ACTR3C: variants seen among roughly 807,000 people sequenced by gnomAD.
The protein encoded by ACTR3C is actin related protein 3C.
ACTR3C carries 18 observed loss-of-function variants against 26.3 expected under a neutral mutation model. The observed-to-expected ratio is 0.68, with a 90% CI of 0.47 to 1.01. ACTR3C has a LOEUF of 1.01. Ranked by LOEUF, ACTR3C falls within the 50% of genes least tolerant of loss-of-function variation. The probability of loss-of-function intolerance (pLI) is 0.00; values close to 1 mark genes in which losing one functional copy is unlikely to be tolerated. For synonymous variants in ACTR3C, 55 were observed against 94.5 expected (o/e 0.58, Z 2.42); for missense variants, 184 against 250.7 (o/e 0.73, Z 1.80).
chr7:150,254,166 T>C lies in ACTR3C; in HGVS notation c.565-5112A>G, dbSNP rs141920854. On this transcript the variant is annotated intron_variant, in intron 6 of 7. Coordinates refer to ENST00000683684, the MANE Select transcript of ACTR3C (RefSeq NM_001164458.2). Reference sequence around the variant, plus strand: ...GTGCTGAGTGCTAGAGAGAGAGAAATGATTTACCCCTCTTTAGAGATACCC... The same window carrying C: ...GTGCTGAGTGCTAGAGAGAGAGAAACGATTTACCCCTCTTTAGAGATACCC... Among the ~76,000 whole-genome samples the C allele has an allele frequency of 5.2e-3, 789 of 152,174 alleles. 5 individuals are homozygous for C. The highest frequency in any genetic ancestry group is 0.018 in the African/African-American group (741 of 41,482).
chr7:150,023,034 T>C, the ACTR3C span, among the ~76,000 whole-genome samples: 1 of 151,276 alleles, frequency 6.6e-6, no homozygotes, highest in Admixed American at 6.6e-5. Flanking sequence ...ATCATCTTCA[T>C]CCTTCCCACC....
chr7:150,309,354 T>G (rs1216548717), intron 1 of ACTR3C, among the ~76,000 whole-genome samples: 1 of 152,222 alleles, frequency 6.6e-6, no homozygotes, highest in Admixed American at 6.5e-5. Context: ...ATTCTCAATA[T>G]GTGTTTTATC....
At chr7:150,195,598 G>A in the ACTR3C span, among the ~76,000 whole-genome samples, 45 of 152,304 alleles carry the variant, frequency 3.0e-4, no homozygotes, top group South Asian at 4.1e-4. Context: ...TTCAGGGGGG[G>A]CCAGGCGTGA....
the ACTR3C span, among the ~76,000 whole-genome samples, chr7:150,151,818 A>G: frequency 1.5e-5 from 2 of 137,384 alleles, no homozygotes; most frequent in Admixed American, 7.4e-5. Context: ...AACATGGCAC[A>G]TGTATACATA....
At chr7:149,980,378 T>C in the ACTR3C span, among the ~76,000 whole-genome samples, 1 of 152,200 alleles carries the variant, frequency 6.6e-6, no homozygotes, top group East Asian at 1.9e-4. Flanking sequence ...TAATCACAAA[T>C]GAACTGCTGC....
At chr7:150,268,141 T>C (rs1034537653) in intron 6 of ACTR3C, among the ~76,000 whole-genome samples, 1 of 151,110 alleles carries the variant, frequency 6.6e-6, no homozygotes, top group African/African-American at 2.5e-5. Context: ...ATTTGGCCAA[T>C]GTGTACAGTC....
chr7:150,280,352 G>A (rs561593021), intron 6 of ACTR3C, among the ~76,000 whole-genome samples: 157 of 152,024 alleles, frequency 1.0e-3, no homozygotes, highest in African/African-American at 3.7e-3. Context: ...TAAAGCAGAT[G>A]TGTAAATACC....
In ACTR3C at chr7:150,294,292, C is replaced by T. The variant is rs554358394; in HGVS notation, c.46-873G>A. 2.4e-4 allele frequency among the ~76,000 whole-genome samples: 37 copies of T among 152,348 alleles called. No homozygotes were observed. In the South Asian group the frequency reaches 2.5e-3, roughly 10 times the overall value. Reference sequence around the variant, plus strand: ...AGGCCAGGGATGCCGCTACGCTCCCCGCAATGCACACGGCGGCGCCCACAA... The same window carrying T: ...AGGCCAGGGATGCCGCTACGCTCCCTGCAATGCACACGGCGGCGCCCACAA... On this transcript the variant is annotated intron_variant, in intron 2 of 7. Transcript: ENST00000683684.
chr7:150,178,706 C>A, the ACTR3C span, among the ~76,000 whole-genome samples: 57 of 150,834 alleles, frequency 3.8e-4, 7 homozygotes, highest in African/African-American at 1.3e-3. Context: ...TCAATGACAA[C>A]TGTGTCACAC....
the ACTR3C span, among the ~76,000 whole-genome samples, chr7:150,214,827 T>C: frequency 5.3e-5 from 8 of 151,688 alleles, no homozygotes; most frequent in Admixed American, 2.6e-4. Flanking sequence ...CAGGGAACTA[T>C]GAATCAAATG....
intron 4 of ACTR3C, among the ~76,000 whole-genome samples, chr7:150,287,381 C>T (rs1325776679): frequency 1.9e-4 from 29 of 152,298 alleles, no homozygotes; most frequent in Admixed American, 5.2e-4. Context: ...GCTGCTGCTG[C>T]GAGAGAAGTC....
chr7:150,169,467 G>C, the ACTR3C span, among the ~76,000 whole-genome samples: 14 of 150,134 alleles, frequency 9.3e-5, no homozygotes, highest in East Asian at 2.5e-3. Flanking sequence ...TACACATGAG[G>C]TGGCCGCCTA....
At chr7:150,121,936 C>T in the ACTR3C span, among the ~76,000 whole-genome samples, 2 of 152,048 alleles carry the variant, frequency 1.3e-5, no homozygotes, top group Non-Finnish European at 2.9e-5. Flanking sequence ...ACAACTACAA[C>T]CATCTGATCT....
the ACTR3C span, among the ~76,000 whole-genome samples, chr7:149,921,035 C>T: frequency 3.3e-5 from 5 of 151,962 alleles, no homozygotes; most frequent in East Asian, 1.9e-4. Context: ...GGATTACAGG[C>T]GTGAGCCACC....
the ACTR3C span, among the ~76,000 whole-genome samples, chr7:150,206,580 AT>A: frequency 1.4e-3 from 208 of 145,844 alleles, no homozygotes; most frequent in Middle Eastern, 3.6e-3. Flanking sequence ...TGCCCAGATA[AT>A]TTTTTTTTTT....
chr7:150,067,655 A>G, the ACTR3C span, among the ~76,000 whole-genome samples: 2 of 151,980 alleles, frequency 1.3e-5, no homozygotes, highest in East Asian at 3.9e-4. Context: ...ACTGTTGCTT[A>G]GCTTGGAAGG....
the ACTR3C span, among the ~76,000 whole-genome samples, chr7:150,048,034 G>T: frequency 2.3e-3 from 344 of 152,230 alleles, 2 homozygotes; most frequent in African/African-American, 7.8e-3. Context: ...GTCTCCGCTG[G>T]CGACTCTACC....
At chr7:149,985,567 C>T in the ACTR3C span, among the ~76,000 whole-genome samples, 3 of 152,220 alleles carry the variant, frequency 2.0e-5, no homozygotes, top group African/African-American at 7.2e-5. Context: ...GTGGTCGAGC[C>T]GGGAGTGGGC....
the ACTR3C span, among the ~76,000 whole-genome samples, chr7:150,145,305 A>G: frequency 5.5e-3 from 836 of 152,308 alleles, 4 homozygotes; most frequent in Non-Finnish European, 5.6e-3. Context: ...GTAGGTCCCC[A>G]GCTGTATAAA....
Sources: gnomAD v4.1 joint callset for allele counts (sites outside exome capture counted in the v4.1 genomes callset) on GRCh38, gnomAD v4.1.1 for gene constraint, MANE v1.5 for transcripts, NCBI Gene and HGNC (gene_info 2026-07-23, HGNC 2026-07-21) for gene names.